The following TPR variants were observed in gnomAD, a reference collection of about 807,000 sequenced individuals.
The protein encoded by TPR is nucleoprotein TPR.
In TPR, 51 loss-of-function variants were observed where a neutral mutation model predicts 316.1. The observed-to-expected ratio is 0.16, with a 90% CI of 0.13 to 0.20. TPR has a LOEUF of 0.20. Ranked by LOEUF, TPR falls within the 10% of genes least tolerant of loss-of-function variation. The probability of loss-of-function intolerance (pLI) is 1.00; values close to 1 mark genes in which losing one functional copy is unlikely to be tolerated. For missense variants in TPR, 2,272 were observed against 2,754.8 expected (o/e 0.82, Z 3.92); for synonymous variants, 981 against 914.7 (o/e 1.07, Z -1.31).
At chr1:186,324,051 T>C (rs1393650320) in intron 42 of TPR, among the ~76,000 whole-genome samples, 181 bp from the exon 43 acceptor site, 9 of 152,166 alleles carry the variant, frequency 5.9e-5, no homozygotes, top group African/African-American at 2.2e-4. Flanking sequence ...ATGGGATGTG[T>C]ACTTATTCGC....
chr1:186,368,854 T>C (rs976302746), intron 3 of TPR, among the ~76,000 whole-genome samples: 3 of 152,196 alleles, frequency 2.0e-5, no homozygotes, highest in Non-Finnish European at 2.9e-5. Context: ...TCCCCTATGT[T>C]CACTTCTCTG....
intron 42 of TPR, among the ~76,000 whole-genome samples, chr1:186,325,218 C>G (rs1370686048): frequency 1.3e-5 from 2 of 152,128 alleles, no homozygotes; most frequent in Non-Finnish European, 2.9e-5. Flanking sequence ...CAGATAATCA[C>G]TAATTATTTA....
intron 13 of TPR, among the ~76,000 whole-genome samples, chr1:186,358,260 T>A (rs1659085383): frequency 6.6e-6 from 1 of 152,182 alleles, no homozygotes; most frequent in African/African-American, 2.4e-5. Context: ...CTTTGGGACT[T>A]CAGAGGGTAG....
chr1:186,357,393 T>C lies in TPR; in HGVS notation c.1724+4A>G, dbSNP rs1275264347. 7.5e-5 allele frequency: 121 copies of C among 1,613,350 alleles called. No individual in the cohort carries two copies. The highest frequency in any genetic ancestry group is 1.0e-4 in the Non-Finnish European group (120 of 1,179,758). On this transcript the variant is annotated splice_donor_region_variant and intron_variant, in intron 14 of 50. Coordinates refer to ENST00000367478, the MANE Select transcript of TPR (RefSeq NM_003292.3). Reference sequence around the variant, plus strand: ...TCAACAAGCTGAGGTATGTGACTACTTACTTGGATGAAGTTGTTTCTTGTT... The same window carrying C: ...TCAACAAGCTGAGGTATGTGACTACCTACTTGGATGAAGTTGTTTCTTGTT...
intron 31 of TPR, among the ~76,000 whole-genome samples, chr1:186,337,537 G>A (rs1387689263): frequency 6.7e-6 from 1 of 148,288 alleles, no homozygotes; most frequent in Non-Finnish European, 1.5e-5. Flanking sequence ...TAAAACAAAG[G>A]GGTATTAATT....
intron 5 of TPR, 137 bp from the exon 6 acceptor site, chr1:186,363,138 A>G: frequency 9.2e-7 from 1 of 1,090,930 alleles, no homozygotes; most frequent in Non-Finnish European, 1.3e-6. Flanking sequence ...ATTCTTAACT[A>G]GAAAACATTA....
chr1:186,337,735 C>G (rs1432435924), intron 31 of TPR, among the ~76,000 whole-genome samples: 1 of 151,810 alleles, frequency 6.6e-6, no homozygotes, highest in Admixed American at 6.6e-5. Context: ...CTATACAAAA[C>G]CAGATTAGTC....
Position 186,323,761 on chromosome 1 carries a change from C to T in TPR, c.6222G>A (p.Pro2074=), listed in dbSNP as rs573625428. ...GGGGAAGTGGATGTGGTGGGCGTCT[C>T]GGTGACTGAGGTGCTCGAGGGGCCT... The part of the protein sequence containing the change: ...ERQAPRAPQS[P]RRPPHPLPPR... The change falls in exon 43 of 51, where the codon CCG becomes CCA. Residue 2074 remains proline, a synonymous_variant. Transcript: ENST00000367478. 43 of 1,539,792 alleles carry T rather than the reference C, an allele frequency of 2.8e-5. No homozygotes were observed. The highest frequency in any genetic ancestry group is 3.6e-5 in the Non-Finnish European group (41 of 1,153,966).
intron 32 of TPR, 88 bp downstream of exon 32, chr1:186,336,925 T>G: frequency 6.4e-7 from 1 of 1,566,616 alleles, no homozygotes; most frequent in South Asian, 1.2e-5. Context: ...CATTCCCACA[T>G]GGTAAGACAA....
intron 22 of TPR, 24 bp downstream of exon 22, chr1:186,347,268 T>C: frequency 6.2e-7 from 1 of 1,609,588 alleles, no homozygotes; most frequent in South Asian, 1.1e-5. Flanking sequence ...TGAGATTGAA[T>C]TCTGAATTCA....
chr1:186,335,690 A>C (rs933274236), intron 33 of TPR, 147 bp from the exon 34 acceptor site: 17 of 502,570 alleles, frequency 3.4e-5, no homozygotes, highest in Non-Finnish European at 5.1e-5. Flanking sequence ...CAATGAGCAA[A>C]GTTCTAAGTA....
intron 23 of TPR, 22 bp downstream of exon 23, chr1:186,346,112 AT>A: frequency 6.4e-7 from 1 of 1,562,514 alleles, no homozygotes; most frequent in Non-Finnish European, 8.6e-7. Flanking sequence ...TAAAAAAAAA[AT>A]TAATACGGTT....
Position 186,313,187 on chromosome 1 carries a change from A to AT in TPR, c.*783dup, listed in dbSNP as rs1390470201. The AT allele has an allele frequency of 2.3e-6, 1 of 441,806 alleles. No homozygotes were observed. Among genetic ancestry groups the AT allele is most frequent in the African/African-American group, 2.0e-5 (1 of 51,206 alleles). The allele number at this position is 441,806 out of a possible 1,614,324, so 27.4% of individuals were successfully genotyped here. ...TTCTATCATTTGTGGCATTTAACAG[A>AT]TACCTTGTTTGGCACAAGGTTATAA... On this transcript the variant is annotated 3_prime_UTR_variant, in exon 51 of 51. Transcript: ENST00000367478.
chr1:186,329,889 T>C (rs989053731), intron 39 of TPR, among the ~76,000 whole-genome samples: 13 of 152,176 alleles, frequency 8.5e-5, no homozygotes, highest in African/African-American at 2.9e-4. Flanking sequence ...ACAAAAGTAC[T>C]GTTTCAAGCT....
At chr1:186,368,129 G>A (rs371531954) in intron 3 of TPR, 147 bp from the exon 4 acceptor site, 17 of 552,920 alleles carry the variant, frequency 3.1e-5, no homozygotes, top group South Asian at 5.8e-5. Context: ...AAAAATACCC[G>A]TAATTCCAAT....
chr1:186,358,702 A>G (rs765951438), intron 12 of TPR, 52 bp from the exon 13 acceptor site: 3 of 1,471,758 alleles, frequency 2.0e-6, no homozygotes, highest in East Asian at 2.3e-5. Context: ...TAGGATTTAT[A>G]CAAGTAATAA....
Position 186,334,551 on chromosome 1 carries a change from G to T in TPR, c.4974-18C>A. 1 of 1,599,642 alleles carries T rather than the reference G, an allele frequency of 6.3e-7. No individual in the cohort carries two copies. Among genetic ancestry groups the T allele is most frequent in the South Asian group, 1.1e-5 (1 of 90,320 alleles). The stretch of plus-strand genomic sequence containing the variant: ...TGCTGGCACTTATAGAGGAGAAAAT[G>T]GAAGAATAATTAATAACAAATTATT... On this transcript the variant is annotated intron_variant, in intron 35 of 50. Coordinates refer to ENST00000367478, the MANE Select transcript of TPR (RefSeq NM_003292.3).
chr1:186,341,545 T>A, intron 27 of TPR, 156 bp from the exon 28 acceptor site: 1 of 713,196 alleles, frequency 1.4e-6, no homozygotes, highest in Non-Finnish European at 2.2e-6. Context: ...TACTTTTCTG[T>A]GAGGCATGCG....
chr1:186,371,946 G>A (rs983157512), intron 2 of TPR, among the ~76,000 whole-genome samples: 3 of 151,936 alleles, frequency 2.0e-5, no homozygotes, highest in Non-Finnish European at 4.4e-5. Flanking sequence ...CCCAGATCTC[G>A]TAAAAGCTGT....
Sources: allele counts gnomAD v4.1 joint callset (sites outside exome capture counted in the v4.1 genomes callset), GRCh38; gene constraint gnomAD v4.1.1; transcripts MANE v1.5; gene names NCBI Gene and HGNC (gene_info 2026-07-23, HGNC 2026-07-21).